The following CACNA1C variants were observed in gnomAD, a reference collection of about 807,000 sequenced individuals.
The protein encoded by CACNA1C is voltage-dependent L-type calcium channel subunit alpha-1C.
In CACNA1C, 30 loss-of-function variants were observed where a neutral mutation model predicts 229.0. That is an observed-to-expected ratio of 0.13 (90% CI 0.10 to 0.18). The LOEUF is 0.18. CACNA1C is among the 10% of genes least tolerant of loss of function. The pLI is 1.00. For missense variants in CACNA1C, 1,658 were observed against 2,845.0 expected, an observed-to-expected ratio of 0.58 and a Z score of 9.49; for synonymous variants, 1,114 against 1,132.5, an observed-to-expected ratio of 0.98 and a Z score of 0.33.
chr12:2,121,245 G>A (rs2086585442), intron 3 of CACNA1C, among the ~76,000 whole-genome samples: 1 of 152,180 alleles, frequency 6.6e-6, no homozygotes, highest in South Asian at 2.1e-4. Context: ...GGTCATCAGA[G>A]CCACCGTCTT....
At chr12:2,568,419 C>T (rs1376145170) in intron 13 of CACNA1C, among the ~76,000 whole-genome samples, 1 of 152,126 alleles carries the variant, frequency 6.6e-6, no homozygotes, top group African/African-American at 2.4e-5. Flanking sequence ...TTCCTAAAAA[C>T]GTTAATGATA....
chr12:2,035,116 G>T (rs541501554), intron 1 of CACNA1C, among the ~76,000 whole-genome samples: 57 of 152,310 alleles, frequency 3.7e-4, no homozygotes, highest in Non-Finnish European at 7.5e-4. Flanking sequence ...GCAAGGCCCG[G>T]GGGCGTGGCC....
chr12:2,528,151 A>G (rs1359285102), intron 9 of CACNA1C, among the ~76,000 whole-genome samples: 1 of 152,170 alleles, frequency 6.6e-6, no homozygotes. Flanking sequence ...CGTGTGCTAT[A>G]CAGGAACTAA....
intron 1 of CACNA1C, among the ~76,000 whole-genome samples, chr12:1,999,350 A>AGAGT (rs1430728971): frequency 6.6e-6 from 1 of 152,262 alleles, no homozygotes; most frequent in Non-Finnish European, 1.5e-5. Flanking sequence ...ATGGCTATAA[A>AGAGT]AAATCATTAC....
rs147844257 is a variant in CACNA1C, at chr12:2,068,970, G to A, written c.49+15359G>A. 1.4e-4 allele frequency among the ~76,000 whole-genome samples: 21 copies of A among 152,326 alleles called. No individual in the cohort carries two copies. The East Asian group carries it at 2.7e-3, about 20-fold the overall frequency. ...TCAGAGTCCAGATGGACAGGGTTCCGCAGTTCCAGCTGCTGCCATACTCAG... is the reference window on the plus strand; with the variant it reads ...TCAGAGTCCAGATGGACAGGGTTCCACAGTTCCAGCTGCTGCCATACTCAG... On this transcript the variant is annotated intron_variant, in intron 1 of 46. Transcript: ENST00000399655.
intron 3 of CACNA1C, among the ~76,000 whole-genome samples, chr12:2,245,475 C>G (rs2072737769): frequency 6.6e-6 from 1 of 152,250 alleles, no homozygotes; most frequent in Admixed American, 6.5e-5. Context: ...TCCCATTTCA[C>G]AGACCAGGCA....
intron 3 of CACNA1C, among the ~76,000 whole-genome samples, chr12:2,248,735 G>T (rs1488106892): frequency 6.6e-6 from 1 of 152,264 alleles, no homozygotes; most frequent in African/African-American, 2.4e-5. Context: ...AGCGGATGTT[G>T]CCTCCTGGCA....
chr12:2,312,430 G>A (rs529278558), intron 3 of CACNA1C, among the ~76,000 whole-genome samples: 5 of 152,170 alleles, frequency 3.3e-5, no homozygotes, highest in Admixed American at 6.5e-5. Flanking sequence ...CCACAACAAA[G>A]CACTGTAATC....
In CACNA1C at chr12:2,036,529, G is replaced by A. The variant is rs553357259; in HGVS notation, c.139+65328G>A. 1.0e-3 allele frequency among the ~76,000 whole-genome samples: 151 copies of A among 151,528 alleles called. 3 individuals carry two copies. Among genetic ancestry groups the A allele is most frequent in the Admixed American group, 3.0e-3 (45 of 15,224 alleles). ...GCTTTGTCACACAGGCTGTAGGTGC[G>A]ATGTTGGCTCACTGCAACCTCTGCC... On this transcript the variant is annotated intron_variant, in intron 1 of 46. Coordinates refer to the CACNA1C transcript ENST00000682462.
chr12:2,058,539 A>G (rs902672419), intron 1 of CACNA1C, among the ~76,000 whole-genome samples: 1 of 152,230 alleles, frequency 6.6e-6, no homozygotes, highest in Non-Finnish European at 1.5e-5. Context: ...TTTAAAAAAA[A>G]AGGCATGGGG....
At chr12:2,416,891 C>T (rs1402024897) in intron 3 of CACNA1C, among the ~76,000 whole-genome samples, 1 of 152,230 alleles carries the variant, frequency 6.6e-6, no homozygotes, top group South Asian at 2.1e-4. Flanking sequence ...GAAGCAGAGG[C>T]CGGATTCGAA....
intron 3 of CACNA1C, among the ~76,000 whole-genome samples, chr12:2,248,794 A>T (rs967830130): frequency 6.6e-6 from 1 of 152,222 alleles, no homozygotes; most frequent in African/African-American, 2.4e-5. Flanking sequence ...GCGGTGACGG[A>T]CTTAGGTTCT....
In CACNA1C at chr12:2,602,630, TTGTGTGTGTG is replaced by T. The variant is rs3062140; in HGVS notation, c.2960+701_2960+710del. 0.13 allele frequency among the ~76,000 whole-genome samples: 18,880 copies of T among 140,780 alleles called. 1,253 individuals are homozygous for T. The highest frequency in any genetic ancestry group is 0.25 in the Middle Eastern group (70 of 278). 92.4% of individuals were successfully genotyped at this position (140,780 alleles called of 152,430 possible). On this transcript the variant is annotated intron_variant, in intron 22 of 46. Coordinates refer to ENST00000399655, the MANE Select transcript of CACNA1C (RefSeq NM_000719.7). This position sits in a 1 kb window ranked among gnomAD's most constrained non-coding sequence, Gnocchi z 4.4. The stretch of plus-strand genomic sequence containing the variant: ...GTGTGTGACTGTGTATATTTGTGTC[TTGTGTGTGTG>T]TGTGTGTGTGTGTGTGTGTGTGTGT...
intron 34 of CACNA1C, among the ~76,000 whole-genome samples, chr12:2,659,307 A>G (rs2095585189): frequency 6.6e-6 from 1 of 152,208 alleles, no homozygotes; most frequent in African/African-American, 2.4e-5. Context: ...ATATGTTTAG[A>G]TACACAAATA....
At chr12:2,076,891 A>G (rs1307723948) in intron 1 of CACNA1C, among the ~76,000 whole-genome samples, 2 of 152,272 alleles carry the variant, frequency 1.3e-5, no homozygotes, top group Non-Finnish European at 2.9e-5. Context: ...GGCACTTTCT[A>G]CTGAGTGGGA....
At chr12:2,166,566 C>T (rs963329617) in intron 3 of CACNA1C, among the ~76,000 whole-genome samples, 6 of 152,222 alleles carry the variant, frequency 3.9e-5, no homozygotes, top group African/African-American at 1.2e-4. Context: ...AGGAATTTAT[C>T]GGTTACTAAT....
intron 3 of CACNA1C, among the ~76,000 whole-genome samples, chr12:2,397,011 G>A (rs150138487): frequency 6.6e-6 from 1 of 152,218 alleles, no homozygotes; most frequent in East Asian, 1.9e-4. Context: ...CTTCTAAATA[G>A]TTTATATTTG....
intron 3 of CACNA1C, among the ~76,000 whole-genome samples, chr12:2,166,730 A>G (rs1268369870): frequency 6.6e-6 from 1 of 152,348 alleles, no homozygotes; most frequent in South Asian, 2.1e-4. Context: ...GGCACTCAAT[A>G]AAAGTTAGCT....
At chr12:2,547,582 T>G in intron 9 of CACNA1C, 1 of 769,666 alleles carries the variant, frequency 1.3e-6, no homozygotes, top group Non-Finnish European at 2.4e-6. Flanking sequence ...CCAGACTGAA[T>G]GGGAAGGTGT....
Sources: gnomAD v4.1 joint callset for allele counts (sites outside exome capture counted in the v4.1 genomes callset) on GRCh38, gnomAD v4.1.1 for gene constraint, Gnocchi (gnomAD v3.1) non-coding constraint, MANE v1.5 for transcripts, NCBI Gene and HGNC (gene_info 2026-07-23, HGNC 2026-07-21) for gene names.